PDE4D: variants seen among roughly 807,000 people sequenced by gnomAD.
The protein encoded by PDE4D is phosphodiesterase 4D, also known as 3',5'-cyclic-AMP phosphodiesterase 4D.
PDE4D carries 24 observed loss-of-function variants against 87.4 expected under a neutral mutation model. The observed-to-expected ratio is 0.27, with a 90% CI of 0.20 to 0.39. The LOEUF is 0.39. PDE4D is among the 10% of genes least tolerant of loss of function. PDE4D has a pLI of 1.00. For missense variants in PDE4D, 714 were observed against 1,041.0 expected (o/e 0.69, Z 4.32); for synonymous variants, 384 against 383.2 (o/e 1.00, Z -0.02).
At chr5:60,221,264 A>C (rs1042809903) in intron 1 of PDE4D, among the ~76,000 whole-genome samples, 4 of 152,104 alleles carry the variant, frequency 2.6e-5, no homozygotes, top group African/African-American at 9.7e-5. Flanking sequence ...AAAGACTGGG[A>C]AGTACATCAA....
At chr5:59,471,466 G>T (rs1802433269) in intron 1 of PDE4D, among the ~76,000 whole-genome samples, 1 of 152,244 alleles carries the variant, frequency 6.6e-6, no homozygotes, top group Non-Finnish European at 1.5e-5. Flanking sequence ...CTATGAGAAT[G>T]ATTTTTAAAA....
intron 1 of PDE4D, among the ~76,000 whole-genome samples, chr5:59,690,370 G>C (rs960992838): frequency 2.0e-5 from 3 of 152,066 alleles, no homozygotes; most frequent in Non-Finnish European, 4.4e-5. Flanking sequence ...CCAAAACAGA[G>C]ATATAGACTA....
At chr5:59,020,115 G>C (rs929868888) in intron 6 of PDE4D, among the ~76,000 whole-genome samples, 4 of 152,110 alleles carry the variant, frequency 2.6e-5, no homozygotes, top group Non-Finnish European at 5.9e-5. Context: ...ACCAGATCTA[G>C]AGAAAAATGG....
chr5:60,466,442 C>G (rs1274596642), intron 1 of PDE4D, among the ~76,000 whole-genome samples: 2 of 152,294 alleles, frequency 1.3e-5, no homozygotes, highest in East Asian at 3.9e-4. Context: ...CAACAGGAGG[C>G]AGATACCAAA....
chr5:60,239,416 C>T (rs1173261010), intron 1 of PDE4D, among the ~76,000 whole-genome samples: 3 of 152,108 alleles, frequency 2.0e-5, no homozygotes, highest in Non-Finnish European at 4.4e-5. Flanking sequence ...TGACGCTTAG[C>T]TCTTTGTATA....
intron 1 of PDE4D, among the ~76,000 whole-genome samples, chr5:59,494,619 T>G (rs1400731806): frequency 6.6e-6 from 1 of 152,174 alleles, no homozygotes; most frequent in Admixed American, 6.5e-5. Context: ...CCTTGTGATT[T>G]TAATTAATTA....
chr5:60,422,569 G>C (rs1331860656), intron 1 of PDE4D, among the ~76,000 whole-genome samples: 5 of 152,094 alleles, frequency 3.3e-5, no homozygotes, highest in Non-Finnish European at 7.3e-5. Flanking sequence ...AGGAACAACT[G>C]GTACCAGCCA....
At chr5:60,469,701 T>C (rs1747671096) in intron 1 of PDE4D, among the ~76,000 whole-genome samples, 1 of 152,176 alleles carries the variant, frequency 6.6e-6, no homozygotes, top group Non-Finnish European at 1.5e-5. Context: ...TGATATGTGA[T>C]CAGTGATCTC....
chr5:59,723,023 C>T (rs1264266808), intron 1 of PDE4D, among the ~76,000 whole-genome samples: 3 of 152,040 alleles, frequency 2.0e-5, no homozygotes, highest in African/African-American at 7.2e-5. Flanking sequence ...AATAATCTTA[C>T]TAAATGCTTT....
intron 2 of PDE4D, among the ~76,000 whole-genome samples, chr5:60,049,631 G>A (rs1434761864): frequency 6.6e-6 from 1 of 152,170 alleles, no homozygotes; most frequent in Non-Finnish European, 1.5e-5. Context: ...AGCCGTGTGA[G>A]GTGTCAGTCT....
chr5:60,398,073 G>A (rs1763007303), intron 1 of PDE4D, among the ~76,000 whole-genome samples: 1 of 152,148 alleles, frequency 6.6e-6, no homozygotes, highest in Non-Finnish European at 1.5e-5. Context: ...TGCTTTGGGA[G>A]GAGAAAATGC....
chr5:59,309,380 G>C (rs1429973370), intron 1 of PDE4D, among the ~76,000 whole-genome samples: 1 of 152,212 alleles, frequency 6.6e-6, no homozygotes, highest in Non-Finnish European at 1.5e-5. Context: ...ATGGATCCCT[G>C]TGATGCCAGG....
chr5:59,105,210 G>A (rs1771399377), intron 5 of PDE4D, among the ~76,000 whole-genome samples: 1 of 152,162 alleles, frequency 6.6e-6, no homozygotes, highest in Non-Finnish European at 1.5e-5. Flanking sequence ...GAACTGCTGG[G>A]TCTATTATGA....
At chr5:59,819,470 A>C (rs1243417499) in intron 1 of PDE4D, among the ~76,000 whole-genome samples, 6 of 152,186 alleles carry the variant, frequency 3.9e-5, no homozygotes, top group Non-Finnish European at 1.5e-5. Flanking sequence ...TACACACCAC[A>C]GCATTGCCCA....
chr5:60,026,039 T>C (rs1047686985), intron 2 of PDE4D, among the ~76,000 whole-genome samples: 8 of 152,218 alleles, frequency 5.3e-5, no homozygotes, highest in Non-Finnish European at 7.3e-5. Context: ...GTGGTGATGG[T>C]TTTTATAAAT....
intron 1 of PDE4D, among the ~76,000 whole-genome samples, chr5:60,299,870 A>G (rs960130068): frequency 1.3e-5 from 2 of 152,168 alleles, no homozygotes; most frequent in Non-Finnish European, 2.9e-5. Flanking sequence ...ATACACATGT[A>G]TGTATCTTTA....
chr5:60,247,728 C>G (rs945607843), intron 1 of PDE4D, among the ~76,000 whole-genome samples: 1 of 151,966 alleles, frequency 6.6e-6, no homozygotes, highest in Non-Finnish European at 1.5e-5. Flanking sequence ...CTCTCCCTCT[C>G]TCTCACACAC....
chr5:59,304,861 T>C (rs1771002792), intron 1 of PDE4D, among the ~76,000 whole-genome samples: 1 of 152,148 alleles, frequency 6.6e-6, no homozygotes, highest in Non-Finnish European at 1.5e-5. Context: ...AGTTTTCTTT[T>C]TTGGTTATGT....
chr5:60,361,816 G>C (rs1760100583), intron 1 of PDE4D, among the ~76,000 whole-genome samples: 1 of 152,186 alleles, frequency 6.6e-6, no homozygotes, highest in Non-Finnish European at 1.5e-5. Flanking sequence ...GCATGAGCAA[G>C]AAATAAATTG....
Sources: gnomAD v4.1 joint callset for allele counts (sites outside exome capture counted in the v4.1 genomes callset) on GRCh38, gnomAD v4.1.1 for gene constraint, MANE v1.5 for transcripts, NCBI Gene and HGNC (gene_info 2026-07-23, HGNC 2026-07-21) for gene names.